MED27: variants seen among roughly 807,000 people sequenced by gnomAD.
The protein encoded by MED27 is mediator complex subunit 27.
MED27 carries 30 observed loss-of-function variants against 38.2 expected under a neutral mutation model. The observed-to-expected ratio is 0.79, with a 90% CI of 0.59 to 1.07. MED27 has a LOEUF of 1.07. MED27 is among the 50% of genes least tolerant of loss of function. MED27 has a pLI of 0.00. For synonymous variants in MED27, 122 were observed against 153.5 expected (o/e 0.79, Z 1.52); for missense variants, 289 against 397.5 (o/e 0.73, Z 2.32).
At chr9:131,899,567 A>G (rs571903515) in intron 4 of MED27, among the ~76,000 whole-genome samples, 1 of 152,244 alleles carries the variant, frequency 6.6e-6, no homozygotes, top group South Asian at 2.1e-4. Flanking sequence ...CTTTTGAGGA[A>G]ATTGAAGGAG....
rs367886024 is a variant in MED27, at chr9:131,917,078, G to A, written c.573+22303C>T. On this transcript the variant is annotated intron_variant, in intron 4 of 7. Coordinates refer to ENST00000292035, the MANE Select transcript of MED27 (RefSeq NM_004269.4). The surrounding 1 kb of genome is among the most constrained non-coding windows in gnomAD (Gnocchi z 4.6). ...TACAAAGCATAAAAGCACCAGGCAT[G>A]GGAATCTTGTTCCTAAGGAGCCCCT... is the stretch of plus-strand genomic sequence containing the variant. 3.3e-5 allele frequency among the ~76,000 whole-genome samples: 5 copies of A among 152,278 alleles called. No homozygotes were observed. Among genetic ancestry groups the A allele is most frequent in the South Asian group, 4.1e-4 (2 of 4,822 alleles).
intron 2 of MED27, among the ~76,000 whole-genome samples, chr9:132,041,742 CA>C (rs1833217931): frequency 6.6e-6 from 1 of 152,132 alleles, no homozygotes; most frequent in African/African-American, 2.4e-5. Flanking sequence ...GGCCAAAGTC[CA>C]AATCAGTACG....
At chr9:131,985,447 A>G (rs1831828891) in intron 3 of MED27, among the ~76,000 whole-genome samples, 1 of 152,174 alleles carries the variant, frequency 6.6e-6, no homozygotes, top group Admixed American at 6.5e-5. Context: ...TTTTGGTGAG[A>G]CCGCATATAT....
At chr9:132,068,639 G>A (rs528879399) in intron 2 of MED27, among the ~76,000 whole-genome samples, 2 of 152,262 alleles carry the variant, frequency 1.3e-5, no homozygotes, top group African/African-American at 4.8e-5. Flanking sequence ...AGAAGCGACG[G>A]ATGACACCCA....
intron 3 of MED27, among the ~76,000 whole-genome samples, chr9:131,987,512 G>A (rs901537071): frequency 6.6e-6 from 1 of 152,128 alleles, no homozygotes; most frequent in Admixed American, 6.5e-5. Flanking sequence ...ATTCTAAATA[G>A]AGTCTGTCTT....
intron 4 of MED27, among the ~76,000 whole-genome samples, chr9:131,933,087 CA>C (rs1830619029): frequency 6.6e-6 from 1 of 152,004 alleles, no homozygotes; most frequent in Admixed American, 6.5e-5. Context: ...TAAAAACCTT[CA>C]AAAATTTGGG....
chr9:132,000,900 C>T (rs1479973922), intron 3 of MED27, among the ~76,000 whole-genome samples: 8 of 151,472 alleles, frequency 5.3e-5, no homozygotes, highest in Non-Finnish European at 1.2e-4. Flanking sequence ...GCCAGATAAA[C>T]AAACAAACAA....
At chr9:132,034,602 C>T (rs1371817023) in intron 2 of MED27, among the ~76,000 whole-genome samples, 2 of 152,174 alleles carry the variant, frequency 1.3e-5, no homozygotes, top group Admixed American at 6.5e-5. Flanking sequence ...GGAACCTCAG[C>T]GCGATAGCTT....
intron 3 of MED27, among the ~76,000 whole-genome samples, chr9:132,009,448 G>C (rs1832434619): frequency 6.6e-6 from 1 of 152,176 alleles, no homozygotes; most frequent in African/African-American, 2.4e-5. Flanking sequence ...TCATAAAAAG[G>C]ATGGCTGCTG....
chr9:131,918,957 C>T (rs1830341543), intron 4 of MED27, among the ~76,000 whole-genome samples: 1 of 152,160 alleles, frequency 6.6e-6, no homozygotes, highest in South Asian at 2.1e-4. Context: ...CAGACCCTCT[C>T]CCTCAGAAGA....
chr9:131,880,357 T>A (rs1470170331), intron 6 of MED27, among the ~76,000 whole-genome samples: 2 of 152,222 alleles, frequency 1.3e-5, no homozygotes, highest in Non-Finnish European at 2.9e-5. Flanking sequence ...GAGAGAGGAC[T>A]CACTAATTTA....
intron 4 of MED27, among the ~76,000 whole-genome samples, chr9:131,927,578 C>T (rs1237357762): frequency 6.6e-6 from 1 of 152,184 alleles, no homozygotes; most frequent in African/African-American, 2.4e-5. Context: ...AGAGTGAACT[C>T]CCTGTGGGTT....
intron 3 of MED27, among the ~76,000 whole-genome samples, chr9:131,952,615 T>G (rs758506731): frequency 3.9e-5 from 6 of 152,196 alleles, no homozygotes; most frequent in Non-Finnish European, 5.9e-5. Context: ...TGGCTGAGTT[T>G]GGCCAAAGGG....
At chr9:131,932,980 G>A (rs1830616822) in intron 4 of MED27, among the ~76,000 whole-genome samples, 1 of 152,080 alleles carries the variant, frequency 6.6e-6, no homozygotes, top group African/African-American at 2.4e-5. Context: ...ATCAATTAAT[G>A]TGAAACATCA....
At chr9:132,005,018 A>G (rs532772444) in intron 3 of MED27, among the ~76,000 whole-genome samples, 15 of 152,322 alleles carry the variant, frequency 9.8e-5, no homozygotes, top group African/African-American at 3.6e-4. Flanking sequence ...TAAGAAGCTG[A>G]AGGTTTCTTT....
At chr9:131,990,580 C>A (rs750406695) in intron 3 of MED27, among the ~76,000 whole-genome samples, 6 of 152,240 alleles carry the variant, frequency 3.9e-5, no homozygotes, top group African/African-American at 1.2e-4. Context: ...TTCAGAACCA[C>A]TGATCCAGTC....
rs867526970 is a variant in MED27, at chr9:131,969,374, C to T, written c.480-29900G>A. ...AGCCTGGATTTTTAGTTTTTGGTGA[C>T]GGTTGATTCAGTGTATATTTCATTA... On this transcript the variant is annotated intron_variant, in intron 3 of 7. Coordinates refer to ENST00000292035, the MANE Select transcript of MED27 (RefSeq NM_004269.4). 1.4e-4 allele frequency among the ~76,000 whole-genome samples: 22 copies of T among 152,166 alleles called. No homozygotes were observed. The South Asian group carries it at 2.3e-3, about 16-fold the overall frequency.
At chr9:131,890,511 A>G (rs1225865843) in intron 5 of MED27, among the ~76,000 whole-genome samples, 1 of 152,154 alleles carries the variant, frequency 6.6e-6, no homozygotes, top group African/African-American at 2.4e-5. Context: ...TTATCCTCTG[A>G]CTTATTTACA....
intron 6 of MED27, among the ~76,000 whole-genome samples, chr9:131,873,327 A>G (rs181576425): frequency 8.0e-4 from 122 of 152,362 alleles, no homozygotes; most frequent in African/African-American, 2.8e-3. Context: ...CCATGAAAAG[A>G]GGAGCCATCA....
Sources: gnomAD v4.1 joint callset for allele counts (sites outside exome capture counted in the v4.1 genomes callset) on GRCh38, gnomAD v4.1.1 for gene constraint, Gnocchi (gnomAD v3.1) non-coding constraint, MANE v1.5 for transcripts, NCBI Gene and HGNC (gene_info 2026-07-23, HGNC 2026-07-21) for gene names.